Variants in TMEM132C observed in about 807,000 individuals in gnomAD.
TMEM132C encodes the protein transmembrane protein 132C.
A neutral mutation model predicts 61.4 loss-of-function variants in TMEM132C; 29 were observed. The observed-to-expected ratio is 0.47, with a 90% CI of 0.35 to 0.64. The LOEUF (loss-of-function observed/expected upper bound fraction) is 0.64. Among genes scored for constraint, TMEM132C ranks in the 30% least tolerant of loss-of-function variants. The pLI, the probability that TMEM132C is intolerant of heterozygous loss-of-function variation, is 0.00. For synonymous variants in TMEM132C, 656 were observed against 633.1 expected (o/e 1.04, Z -0.54); for missense variants, 1,408 against 1,476.9 (o/e 0.95, Z 0.76).
chr12:128,680,764 C>G (rs577082148), intron 5 of TMEM132C, among the ~76,000 whole-genome samples: 1 of 152,330 alleles, frequency 6.6e-6, no homozygotes, highest in South Asian at 2.1e-4. Context: ...TTCTGACCCT[C>G]TGATTTAAGC....
chr12:128,613,021 G>A (rs902463811), intron 3 of TMEM132C, among the ~76,000 whole-genome samples: 4 of 152,190 alleles, frequency 2.6e-5, no homozygotes, highest in Non-Finnish European at 4.4e-5. Flanking sequence ...TGGTTGCAAT[G>A]CTCACAGAAC....
chr12:128,367,438 T>A (rs1256428620), intron 1 of TMEM132C, among the ~76,000 whole-genome samples: 1 of 152,192 alleles, frequency 6.6e-6, no homozygotes, highest in African/African-American at 2.4e-5. Context: ...TAGGTGACAA[T>A]GCTACTCTCC....
At chr12:128,681,984 A>C (rs1045567889) in intron 5 of TMEM132C, among the ~76,000 whole-genome samples, 1 of 151,994 alleles carries the variant, frequency 6.6e-6, no homozygotes, top group Non-Finnish European at 1.5e-5. Context: ...TGGTATCTTT[A>C]CAGGTAGAAA....
rs1870341967 is a variant in TMEM132C, at chr12:128,267,387, G to C, written c.-16G>C. 3.5e-6 allele frequency: 4 copies of C among 1,134,404 alleles called. No individual in the cohort carries two copies. In the Admixed American group the frequency reaches 2.0e-4, roughly 56 times the overall value. 70.3% of individuals were successfully genotyped at this position (1,134,404 alleles called of 1,614,324 possible). On this transcript the variant is annotated 5_prime_UTR_variant, in exon 1 of 9. Transcript: ENST00000435159. ...TTCGGGCTGGCGGCGGGCTGCGTGA[G>C]CGGCCGGGACGCAGGATGCGCTCCG...
At chr12:128,418,282 C>T (rs1362896357) in intron 2 of TMEM132C, among the ~76,000 whole-genome samples, 1 of 152,170 alleles carries the variant, frequency 6.6e-6, no homozygotes, top group Non-Finnish European at 1.5e-5. Context: ...CATCTGAAGA[C>T]CCGTCTTGGA....
intron 4 of TMEM132C, among the ~76,000 whole-genome samples, chr12:128,658,481 C>T (rs1025460605): frequency 2.6e-5 from 4 of 152,178 alleles, no homozygotes; most frequent in South Asian, 2.1e-4. Context: ...CAACCAACTG[C>T]GCTTCCGCTG....
At chr12:128,453,604 C>T (rs1344200622) in intron 2 of TMEM132C, among the ~76,000 whole-genome samples, 1 of 152,124 alleles carries the variant, frequency 6.6e-6, no homozygotes, top group Non-Finnish European at 1.5e-5. Flanking sequence ...ATGTTGCAAG[C>T]AGACAAGAAG....
chr12:128,336,975 C>T (rs946780559), intron 1 of TMEM132C, among the ~76,000 whole-genome samples: 1 of 152,142 alleles, frequency 6.6e-6, no homozygotes, highest in Non-Finnish European at 1.5e-5. Flanking sequence ...TTTATTTTAT[C>T]TACATTTTGG....
At chr12:128,377,261 G>A (rs1005017870) in intron 1 of TMEM132C, among the ~76,000 whole-genome samples, 11 of 152,106 alleles carry the variant, frequency 7.2e-5, no homozygotes, top group Admixed American at 7.2e-4. Flanking sequence ...CATTATGTTG[G>A]TCAGGCTGGT....
At chr12:128,272,205 G>C (rs868839145) in intron 1 of TMEM132C, among the ~76,000 whole-genome samples, 2 of 152,272 alleles carry the variant, frequency 1.3e-5, no homozygotes, top group Non-Finnish European at 2.9e-5. Context: ...TCTACCTCCA[G>C]TCCTGGCAAC....
intron 1 of TMEM132C, among the ~76,000 whole-genome samples, chr12:128,324,951 T>C (rs929674940): frequency 3.3e-5 from 5 of 152,236 alleles, no homozygotes; most frequent in African/African-American, 9.6e-5. Context: ...TTTCCAATTT[T>C]TTACTGTTAT....
chr12:128,473,339 C>T (rs1593066045), intron 2 of TMEM132C, among the ~76,000 whole-genome samples: 1 of 152,084 alleles, frequency 6.6e-6, no homozygotes, highest in Non-Finnish European at 1.5e-5. Flanking sequence ...TTCAGTCCAG[C>T]CTCCTTCTTC....
Position 128,664,044 on chromosome 12 carries a change from G to A in TMEM132C, c.1306-5373G>A, listed in dbSNP as rs112765096. On this transcript the variant is annotated intron_variant, in intron 4 of 8. Transcript: ENST00000435159. ...CACAGGCACACGCACCCACACGCAC[G>A]CACGCGGGCACTCACAGGCACACAC... Among the ~76,000 whole-genome samples the A allele has an allele frequency of 9.9e-4, 89 of 90,014 alleles. 1 individual carries two copies. The highest frequency in any genetic ancestry group is 0.01 in the Middle Eastern group (1 of 98). The allele number at this position is 90,014 out of a possible 152,430, so 59.1% of individuals were successfully genotyped here. A position where few individuals can be genotyped will look rare whatever the true frequency, so the allele number is the denominator to read the frequency against.
chr12:128,385,752 A>C (rs945685757), intron 1 of TMEM132C, among the ~76,000 whole-genome samples: 5 of 152,238 alleles, frequency 3.3e-5, no homozygotes, highest in African/African-American at 1.2e-4. Context: ...TAAGTCCTTA[A>C]CTGAACCTCT....
intron 8 of TMEM132C, among the ~76,000 whole-genome samples, chr12:128,698,647 T>A (rs1193686448): frequency 6.6e-6 from 1 of 152,232 alleles, no homozygotes; most frequent in African/African-American, 2.4e-5. Flanking sequence ...TGGCTGCTGT[T>A]ATTATGATCA....
intron 2 of TMEM132C, among the ~76,000 whole-genome samples, chr12:128,473,383 C>A (rs796434189): frequency 5.7e-5 from 3 of 52,860 alleles, no homozygotes; most frequent in African/African-American, 1.5e-4. Context: ...CATCTTCACT[C>A]GAGCCTCCAT....
chr12:128,317,554 CT>C (rs917982137), intron 1 of TMEM132C, among the ~76,000 whole-genome samples: 4 of 152,180 alleles, frequency 2.6e-5, no homozygotes, highest in African/African-American at 9.7e-5. Flanking sequence ...CCCTTAGGAA[CT>C]TTTTTTCTTA....
rs372811916 is a variant in TMEM132C, at chr12:128,635,462, C to CTTTT, written c.1305+19140_1305+19143dup. Among the ~76,000 whole-genome samples, 218 of 130,428 alleles carry CTTTT rather than the reference C, an allele frequency of 1.7e-3. 2 individuals are homozygous for CTTTT. Among genetic ancestry groups the CTTTT allele is most frequent in the African/African-American group, 5.7e-3 (207 of 36,504 alleles). 85.6% of individuals were successfully genotyped at this position (130,428 alleles called of 152,430 possible). Reference sequence around the variant, plus strand: ...AATAGCTAGATGAAATGAGTTTTTTCTTTTTTTTTTTTTTTTGGTTTCTAT... The same window carrying CTTTT: ...AATAGCTAGATGAAATGAGTTTTTTCTTTTTTTTTTTTTTTTTTTTGGTTTCTAT... On this transcript the variant is annotated intron_variant, in intron 4 of 8. Transcript: ENST00000435159.
intron 8 of TMEM132C, among the ~76,000 whole-genome samples, chr12:128,704,752 G>A (rs766046394): frequency 2.0e-5 from 3 of 152,208 alleles, no homozygotes; most frequent in African/African-American, 4.8e-5. Flanking sequence ...GCCAGTCATT[G>A]TCTGTGAACA....
Sources: allele counts gnomAD v4.1 joint callset (sites outside exome capture counted in the v4.1 genomes callset), GRCh38; gene constraint gnomAD v4.1.1; transcripts MANE v1.5; gene names NCBI Gene and HGNC (gene_info 2026-07-23, HGNC 2026-07-21).